ARL14EPL: variants seen among roughly 807,000 people sequenced by gnomAD.
ARL14EPL encodes the protein ARF like GTPase 14 effector protein like, also known as ARL14 effector protein-like.
In ARL14EPL, 17 loss-of-function variants were observed where a neutral mutation model predicts 15.9. That is an observed-to-expected ratio of 1.07 (90% CI 0.73 to 1.60). The LOEUF (loss-of-function observed/expected upper bound fraction) is 1.60. Ranked by LOEUF, ARL14EPL falls within the 40% of genes most tolerant of loss-of-function variation. ARL14EPL has a pLI of 0.00. For synonymous variants in ARL14EPL, 78 were observed against 63.8 expected (o/e 1.22, Z -1.06); for missense variants, 214 against 185.9 (o/e 1.15, Z -0.88).
At chr5:116,058,691 A>T (rs75242520) in intron 3 of ARL14EPL, 34 bp from the exon 4 acceptor site, 2 of 1,515,328 alleles carry the variant, frequency 1.3e-6, no homozygotes, top group Admixed American at 3.9e-5. Flanking sequence ...GGATGATTGC[A>T]CTGTCATCTT....
chr5:116,055,316 T>A (rs1749489466), intron 3 of ARL14EPL, among the ~76,000 whole-genome samples: 2 of 152,218 alleles, frequency 1.3e-5, no homozygotes, highest in African/African-American at 4.8e-5. Context: ...TAAATTAATA[T>A]CTTGGAAAAA....
rs978688238 is a variant in ARL14EPL, at chr5:116,040,906, A to G, written c.-10+8401A>G. Reference sequence around the variant, plus strand: ...TGAGGCAGGAGAATCGCATGAACCCAGAGGTGGAGCTTGCAGTGAGCTGAA... The same window carrying G: ...TGAGGCAGGAGAATCGCATGAACCCGGAGGTGGAGCTTGCAGTGAGCTGAA... On this transcript the variant is annotated intron_variant, in intron 1 of 3. Transcript: ENST00000686077. 6.3e-5 allele frequency among the ~76,000 whole-genome samples: 9 copies of G among 141,932 alleles called. No individual in the cohort carries two copies. In the South Asian group the frequency reaches 6.8e-4, roughly 11 times the overall value. 93.1% of individuals were successfully genotyped at this position (141,932 alleles called of 152,430 possible). A position where few individuals can be genotyped will look rare whatever the true frequency, so the allele number is the denominator to read the frequency against.
At chr5:116,044,094 T>G (rs1749218559) in intron 1 of ARL14EPL, among the ~76,000 whole-genome samples, 2 of 152,206 alleles carry the variant, frequency 1.3e-5, no homozygotes, top group South Asian at 2.1e-4. Context: ...GCTTAATACA[T>G]AAACATTCAG....
intron 3 of ARL14EPL, among the ~76,000 whole-genome samples, chr5:116,058,150 A>G (rs946374064): frequency 1.3e-5 from 2 of 152,220 alleles, no homozygotes; most frequent in African/African-American, 4.8e-5. Context: ...CTCACTGGGT[A>G]AAAAGCAGAA....
chr5:116,041,571 G>T (rs867228157), intron 1 of ARL14EPL, among the ~76,000 whole-genome samples: 4 of 152,056 alleles, frequency 2.6e-5, no homozygotes, highest in African/African-American at 9.7e-5. Flanking sequence ...TTGTCACTGG[G>T]AATGATGCTC....
At chr5:116,054,289 T>G (rs1469131422) in intron 3 of ARL14EPL, 136 bp downstream of exon 3, 16 of 987,834 alleles carry the variant, frequency 1.6e-5, no homozygotes, top group Non-Finnish European at 2.2e-5. Context: ...ATAGTACCCA[T>G]GTGTCTGGAC....
At chr5:116,051,818 G>T (rs1749386813) in intron 2 of ARL14EPL, 2 of 899,278 alleles carry the variant, frequency 2.2e-6, no homozygotes, top group Admixed American at 2.7e-5. Flanking sequence ...TCTGCTTTTT[G>T]TGGAGAATAT....
intron 3 of ARL14EPL, among the ~76,000 whole-genome samples, chr5:116,054,571 C>G (rs1035073585): frequency 6.6e-6 from 1 of 152,212 alleles, no homozygotes; most frequent in Non-Finnish European, 1.5e-5. Context: ...GTGGCTCACA[C>G]CTGTAATTCC....
chr5:116,051,591 C>G (rs746059921), intron 2 of ARL14EPL, 30 bp downstream of exon 2: 1 of 1,492,546 alleles, frequency 6.7e-7, no homozygotes, highest in African/African-American at 1.4e-5. Flanking sequence ...TGATTCCATG[C>G]TACTGGGGAG....
chr5:116,046,976 A>G (rs1057431979), intron 1 of ARL14EPL, among the ~76,000 whole-genome samples: 2 of 152,162 alleles, frequency 1.3e-5, no homozygotes, highest in African/African-American at 4.8e-5. Context: ...GTGCATACCA[A>G]GAAAAGGCCC....
At chr5:116,055,462 T>C (rs1229853047) in intron 3 of ARL14EPL, among the ~76,000 whole-genome samples, 1 of 152,156 alleles carries the variant, frequency 6.6e-6, no homozygotes, top group Non-Finnish European at 1.5e-5. Context: ...ATTTATACAG[T>C]GGAATACATA....
chr5:116,055,043 T>G (rs867570402), intron 3 of ARL14EPL, among the ~76,000 whole-genome samples: 4 of 152,006 alleles, frequency 2.6e-5, no homozygotes, highest in Middle Eastern at 3.2e-3. Context: ...ATAAGAAAAG[T>G]GTAAATATCC....
intron 1 of ARL14EPL, chr5:116,051,235 T>C (rs763943757): frequency 8.6e-6 from 4 of 463,542 alleles, no homozygotes; most frequent in Non-Finnish European, 1.5e-5. Flanking sequence ...GTACTATTGA[T>C]TTTCTCCTGG....
chr5:116,043,824 T>C (rs1227125150), intron 1 of ARL14EPL, among the ~76,000 whole-genome samples: 1 of 152,206 alleles, frequency 6.6e-6, no homozygotes, highest in African/African-American at 2.4e-5. Flanking sequence ...AGAGCATTAC[T>C]ACCTTTGCCT....
chr5:116,057,794 G>C (rs977137042), intron 3 of ARL14EPL, among the ~76,000 whole-genome samples: 1 of 152,188 alleles, frequency 6.6e-6, no homozygotes, highest in African/African-American at 2.4e-5. Context: ...GAGGCATTGT[G>C]CCTGCTTAGG....
chr5:116,051,798 A>T, intron 2 of ARL14EPL: 1 of 787,040 alleles, frequency 1.3e-6, no homozygotes, highest in Non-Finnish European at 2.0e-6. Flanking sequence ...AGTGTTCTGT[A>T]CAATAAAATT....
chr5:116,058,700 T>C (rs1244659204), intron 3 of ARL14EPL, 25 bp from the exon 4 acceptor site: 1 of 1,527,690 alleles, frequency 6.5e-7, no homozygotes. Flanking sequence ...CACTGTCATC[T>C]TAATGTCATG....
intron 1 of ARL14EPL, among the ~76,000 whole-genome samples, chr5:116,049,372 T>C (rs1749328701): frequency 6.6e-6 from 1 of 152,206 alleles, no homozygotes; most frequent in Non-Finnish European, 1.5e-5. Context: ...CTTCTACAAG[T>C]TGAAAAACTC....
At chr5:116,039,985 G>A (rs1749118766) in intron 1 of ARL14EPL, among the ~76,000 whole-genome samples, 1 of 152,004 alleles carries the variant, frequency 6.6e-6, no homozygotes, top group South Asian at 2.1e-4. Context: ...TAACAAATAT[G>A]TTTCCACAAC....
Sources: gnomAD v4.1 joint callset for allele counts (sites outside exome capture counted in the v4.1 genomes callset) on GRCh38, gnomAD v4.1.1 for gene constraint, MANE v1.5 for transcripts, NCBI Gene and HGNC (gene_info 2026-07-23, HGNC 2026-07-21) for gene names.